DLGAP5: variants seen among roughly 807,000 people sequenced by gnomAD.
DLGAP5 encodes disks large-associated protein 5.
DLGAP5 carries 90 observed loss-of-function variants against 99.6 expected under a neutral mutation model. The observed-to-expected ratio is 0.90, with a 90% CI of 0.76 to 1.08. DLGAP5 has a LOEUF of 1.08. Ranked by LOEUF, DLGAP5 falls within the 50% of genes least tolerant of loss-of-function variation. DLGAP5 has a pLI of 0.00. For synonymous variants in DLGAP5, 311 were observed against 321.3 expected (o/e 0.97, Z 0.34); for missense variants, 1,036 against 983.5 (o/e 1.05, Z -0.71).
rs149907769 is a variant in DLGAP5, at chr14:55,186,268, T to C, written c.239-2515A>G. Among the ~76,000 whole-genome samples, 1,304 of 152,188 alleles carry C rather than the reference T, an allele frequency of 8.6e-3. 22 individuals are homozygous for C. The highest frequency in any genetic ancestry group is 0.017 in the Middle Eastern group (5 of 294). On this transcript the variant is annotated intron_variant, in intron 2 of 18. Transcript: ENST00000247191. ...CCTGGGCAAGAAGAGCAAAACTCCG[T>C]CTCAAAAAATAAAAATAAAATAAAA...
At chr14:55,190,936 T>A (rs1267630958) in intron 1 of DLGAP5, 1 of 152,238 alleles carries the variant, frequency 6.6e-6, no homozygotes, top group East Asian at 1.9e-4. Context: ...GGTACAATTA[T>A]CAGAATAACC....
intron 2 of DLGAP5, among the ~76,000 whole-genome samples, chr14:55,184,046 G>A (rs1264933329): frequency 3.9e-5 from 6 of 152,028 alleles, no homozygotes; most frequent in African/African-American, 1.5e-4. Flanking sequence ...CCAGCTATTC[G>A]GGAGGTTGAG....
chr14:55,170,580 T>G, intron 11 of DLGAP5, 122 bp downstream of exon 11: 1 of 816,636 alleles, frequency 1.2e-6, no homozygotes, highest in Non-Finnish European at 1.9e-6. Context: ...AAAGAAAAAA[T>G]TCTTGCTACT....
intron 10 of DLGAP5, among the ~76,000 whole-genome samples, chr14:55,172,222 G>A (rs1184557016): frequency 1.3e-5 from 2 of 150,166 alleles, no homozygotes; most frequent in African/African-American, 2.4e-5. Flanking sequence ...AGTGGCTCAT[G>A]CCTGTAATTC....
At chr14:55,149,746 C>T (rs1275273275) in intron 18 of DLGAP5, among the ~76,000 whole-genome samples, 1 of 148,162 alleles carries the variant, frequency 6.7e-6, no homozygotes, top group East Asian at 2.0e-4. Context: ...AACTCCAGAT[C>T]ATTGAAATAA....
chr14:55,180,598 CA>C, intron 6 of DLGAP5, 57 bp downstream of exon 6: 1 of 1,596,420 alleles, frequency 6.3e-7, no homozygotes, highest in South Asian at 1.1e-5. Context: ...AAACGGAACA[CA>C]AAAACCTCAA....
In DLGAP5 at chr14:55,151,635, C is replaced by T. The variant is rs1431823085; in HGVS notation, c.2368+60G>A. 5.2e-6 allele frequency: 8 copies of T among 1,529,578 alleles called. No homozygotes were observed. The East Asian group carries it at 1.4e-4, about 26-fold the overall frequency. The allele number at this position is 1,529,578 out of a possible 1,614,324, so 94.8% of individuals were successfully genotyped here. ...AATGGACCTTATAGGATAATTTATA[C>T]CTTAATCCAAGTTCATTTCTTTAAT... is the stretch of plus-strand genomic sequence containing the variant. On this transcript the variant is annotated intron_variant, in intron 17 of 18. Coordinates refer to ENST00000247191, the MANE Select transcript of DLGAP5 (RefSeq NM_014750.5).
chr14:55,170,815 T>C (rs1341247708), intron 10 of DLGAP5, 28 bp from the exon 11 acceptor site: 5 of 1,579,826 alleles, frequency 3.2e-6, no homozygotes, highest in Non-Finnish European at 4.4e-6. Flanking sequence ...ATTTCAGTTC[T>C]ACAAGTGGTT....
At chr14:55,185,681 A>G (rs1346305981) in intron 2 of DLGAP5, among the ~76,000 whole-genome samples, 1 of 151,526 alleles carries the variant, frequency 6.6e-6, no homozygotes, top group East Asian at 2.0e-4. Flanking sequence ...ATGGGGTTTC[A>G]CCATGTTGGA....
chr14:55,183,985 T>G (rs1883354281), intron 2 of DLGAP5, among the ~76,000 whole-genome samples: 1 of 152,080 alleles, frequency 6.6e-6, no homozygotes, highest in Non-Finnish European at 1.5e-5. Flanking sequence ...AAATCCCATC[T>G]CTACTAAAAA....
chr14:55,149,800 C>CT (rs200355425), intron 18 of DLGAP5, among the ~76,000 whole-genome samples: 3,920 of 82,968 alleles, frequency 0.047, 172 homozygotes, highest in African/African-American at 0.19. Flanking sequence ...AATCCCAGCA[C>CT]TTTGAGAATC....
intron 17 of DLGAP5, 38 bp from the exon 18 acceptor site, chr14:55,150,886 C>T (rs1330257715): frequency 7.1e-7 from 1 of 1,403,376 alleles, no homozygotes; most frequent in Non-Finnish European, 9.8e-7. Context: ...AAAGAATATT[C>T]TCACATTCGA....
At chr14:55,150,971 AC>A (rs1195409937) in intron 17 of DLGAP5, 123 bp from the exon 18 acceptor site, 2 of 595,082 alleles carry the variant, frequency 3.4e-6, no homozygotes, top group Non-Finnish European at 5.8e-6. Context: ...AAAAATATAG[AC>A]CCCTATGCTA....
chr14:55,173,603 C>CTCTCTCTA (rs1334648919), intron 10 of DLGAP5, among the ~76,000 whole-genome samples: 3 of 148,464 alleles, frequency 2.0e-5, no homozygotes, highest in African/African-American at 7.6e-5. Flanking sequence ...CTCTCTCTCT[C>CTCTCTCTA]TATATATATA....
At chr14:55,149,620 C>T (rs1881939692) in intron 18 of DLGAP5, among the ~76,000 whole-genome samples, 2 of 152,066 alleles carry the variant, frequency 1.3e-5, no homozygotes, top group South Asian at 4.1e-4. Context: ...AGAATAAAAC[C>T]AAGACCGTTT....
chr14:55,183,986 C>G (rs898278612), intron 2 of DLGAP5, among the ~76,000 whole-genome samples: 29 of 152,090 alleles, frequency 1.9e-4, no homozygotes, highest in Non-Finnish European at 4.3e-4. Flanking sequence ...AATCCCATCT[C>G]TACTAAAAAT....
Position 55,157,605 on chromosome 14 carries a change from C to T in DLGAP5, c.1873+917G>A, listed in dbSNP as rs368000218. Among the ~76,000 whole-genome samples, 31 of 152,202 alleles carry T rather than the reference C, an allele frequency of 2.0e-4. No homozygotes were observed. In the East Asian group the frequency reaches 5.0e-3, roughly 25 times the overall value. On this transcript the variant is annotated intron_variant, in intron 14 of 18. Transcript: ENST00000247191. ...GTGGAAAAAAAAGCTATGACAAACA[C>T]TGTGAGAAAATCACAAAAAAATGAT...
chr14:55,161,491 C>T (rs1882432580), intron 13 of DLGAP5, among the ~76,000 whole-genome samples: 1 of 148,252 alleles, frequency 6.7e-6, no homozygotes, highest in Non-Finnish European at 1.5e-5. Flanking sequence ...CTCACCACAA[C>T]CTCTGCCTCC....
chr14:55,180,995 G>GGAC (rs893828814), intron 5 of DLGAP5, among the ~76,000 whole-genome samples: 1 of 152,104 alleles, frequency 6.6e-6, no homozygotes, highest in Admixed American at 6.6e-5. Flanking sequence ...CAAGTCTGTA[G>GGAC]TTGCAGCTAC....
Sources: gnomAD v4.1 joint callset for allele counts (sites outside exome capture counted in the v4.1 genomes callset) on GRCh38, gnomAD v4.1.1 for gene constraint, MANE v1.5 for transcripts, NCBI Gene and HGNC (gene_info 2026-07-23, HGNC 2026-07-21) for gene names.